STAT3: variants seen among roughly 807,000 people sequenced by gnomAD.
STAT3 encodes the protein DNA-binding protein APRF.
A neutral mutation model predicts 114.3 loss-of-function variants in STAT3; 7 were observed. That is an observed-to-expected ratio of 0.06 (90% CI 0.03 to 0.11). The LOEUF is 0.11. STAT3 is among the 10% of genes least tolerant of loss of function. STAT3 has a pLI of 1.00. For synonymous variants in STAT3, 331 were observed against 354.5 expected (o/e 0.93, Z 0.74); for missense variants, 364 against 960.9 (o/e 0.38, Z 8.21).
intron 1 of STAT3, among the ~76,000 whole-genome samples, chr17:42,374,550 C>T (rs1431421113): frequency 7.1e-6 from 1 of 140,966 alleles, no homozygotes; most frequent in Non-Finnish European, 1.5e-5. Flanking sequence ...GCAGAGGTTG[C>T]AGTGAGCTGA....
At chr17:42,349,986 G>A (rs2082865925) in intron 1 of STAT3, among the ~76,000 whole-genome samples, 2 of 152,060 alleles carry the variant, frequency 1.3e-5, no homozygotes, top group Admixed American at 1.3e-4. Context: ...AACCTGGAAG[G>A]CAGAGGTTGA....
Position 42,315,217 on chromosome 17 carries a change from T to C in STAT3, c.*528A>G. The C allele has an allele frequency of 4.0e-6, 1 of 250,620 alleles. No homozygotes were observed. The highest frequency in any genetic ancestry group is 2.2e-5 in the African/African-American group (1 of 45,250). The allele number at this position is 250,620 out of a possible 1,614,324, so 15.5% of individuals were successfully genotyped here. ...ACAGTGTTTTTTGCCCTTTAATTGT[T>C]ATTATTTCTTAATTTAAAAAGAAAC... On this transcript the variant is annotated 3_prime_UTR_variant, in exon 24 of 24. Transcript: ENST00000264657.
intron 1 of STAT3, among the ~76,000 whole-genome samples, chr17:42,382,795 T>C (rs1428716134): frequency 1.3e-5 from 2 of 152,024 alleles, no homozygotes; most frequent in Non-Finnish European, 2.9e-5. Flanking sequence ...TACAGGCGTC[T>C]GCCACCACGC....
chr17:42,365,662 GT>G (rs1221742763), intron 1 of STAT3, among the ~76,000 whole-genome samples: 11 of 127,424 alleles, frequency 8.6e-5, no homozygotes, highest in South Asian at 2.5e-4. Context: ...GTTTTTTTTT[GT>G]TTTTTTTTTT....
chr17:42,370,004 C>A (rs186981364), intron 1 of STAT3, among the ~76,000 whole-genome samples: 1 of 152,198 alleles, frequency 6.6e-6, no homozygotes, highest in African/African-American at 2.4e-5. Context: ...CGGAGTCTTG[C>A]TCTGTCGCCC....
At chr17:42,332,016 C>T (rs2082034520) in intron 10 of STAT3, among the ~76,000 whole-genome samples, 1 of 151,908 alleles carries the variant, frequency 6.6e-6, no homozygotes, top group Non-Finnish European at 1.5e-5. Flanking sequence ...CAACCTCCGC[C>T]TCCTGGGTTC....
chr17:42,338,616 C>T, intron 6 of STAT3, 115 bp downstream of exon 6: 1 of 976,470 alleles, frequency 1.0e-6, no homozygotes, highest in Non-Finnish European at 1.6e-6. Flanking sequence ...GGACCCGTAC[C>T]TCCCTTGCGC....
In STAT3 at chr17:42,324,935, GC is replaced by G; in HGVS notation, c.1464+27del. The G allele has an allele frequency of 6.2e-7, 1 of 1,614,068 alleles. No individual in the cohort carries two copies. The highest frequency in any genetic ancestry group is 8.5e-7 in the Non-Finnish European group (1 of 1,179,972). On this transcript the variant is annotated intron_variant, in intron 16 of 23. Coordinates refer to ENST00000264657, the MANE Select transcript of STAT3 (RefSeq NM_139276.3). The surrounding 1 kb of genome is among the most constrained non-coding windows in gnomAD (Gnocchi z 4.5). The stretch of plus-strand genomic sequence containing the variant: ...CCCCTAAGTCGCAAGAGATCCCGGG[GC>G]ACCAACTAAAAGGAGGGGGCACTAA...
chr17:42,378,108 C>T (rs1050823422), intron 1 of STAT3, among the ~76,000 whole-genome samples: 2 of 151,522 alleles, frequency 1.3e-5, no homozygotes, highest in Non-Finnish European at 2.9e-5. Context: ...GCCTCAGCCT[C>T]CTGAGTAGCT....
intron 1 of STAT3, among the ~76,000 whole-genome samples, chr17:42,371,500 C>T (rs975224250): frequency 5.4e-5 from 8 of 149,002 alleles, no homozygotes; most frequent in African/African-American, 9.9e-5. Flanking sequence ...GGAGAAACCT[C>T]GTCTCTAATT....
At chr17:42,339,255 C>CAAAAA in intron 5 of STAT3, 59 bp downstream of exon 5, 3 of 1,345,258 alleles carry the variant, frequency 2.2e-6, no homozygotes, top group Non-Finnish European at 3.0e-6. Context: ...GACCCTGTCT[C>CAAAAA]AAAAAAAAAA....
Position 42,314,062 on chromosome 17 carries a change from C to T in STAT3, c.*1683G>A, listed in dbSNP as rs1303288296. 1 of 231,906 alleles carries T rather than the reference C, an allele frequency of 4.3e-6. No homozygotes were observed. The highest frequency in any genetic ancestry group is 8.5e-6 in the Non-Finnish European group (1 of 117,194). The allele number at this position is 231,906 out of a possible 1,614,324, so 14.4% of individuals were successfully genotyped here. On this transcript the variant is annotated 3_prime_UTR_variant, in exon 24 of 24. Transcript: ENST00000264657. ...AGCACGTGCTAGGTGTTCCCATACG[C>T]ACAGGAGAGGCGAGCTAGCCAGCCA...
intron 1 of STAT3, among the ~76,000 whole-genome samples, chr17:42,371,336 C>T (rs2084118454): frequency 6.6e-6 from 1 of 151,988 alleles, no homozygotes; most frequent in Non-Finnish European, 1.5e-5. Context: ...TGGAGGGCCA[C>T]ACTTGCTAGT....
chr17:42,371,496 A>C (rs1233127254), intron 1 of STAT3, among the ~76,000 whole-genome samples: 1 of 149,564 alleles, frequency 6.7e-6, no homozygotes, highest in Non-Finnish European at 1.5e-5. Context: ...ACATGGAGAA[A>C]CCTCGTCTCT....
intron 1 of STAT3, among the ~76,000 whole-genome samples, chr17:42,375,958 C>T (rs1414271887): frequency 6.6e-6 from 1 of 152,018 alleles, no homozygotes; most frequent in Non-Finnish European, 1.5e-5. Context: ...CAAGATCAGC[C>T]TGGCCAACAT....
In STAT3 at chr17:42,324,376, T is replaced by TA. The variant is rs945986023; in HGVS notation, c.1600+334dup. 3.9e-5 allele frequency among the ~76,000 whole-genome samples: 6 copies of TA among 151,956 alleles called. No homozygotes were observed. Among genetic ancestry groups the TA allele is most frequent in the Admixed American group, 2.0e-4 (3 of 15,242 alleles). On this transcript the variant is annotated intron_variant, in intron 17 of 23. Transcript: ENST00000264657. This position sits in a 1 kb window ranked among gnomAD's most constrained non-coding sequence, Gnocchi z 4.5. ...AAAAACCAACTAGCCTATAGTTTATTAAAAAAATGGACAGGGAATGTCAAG... is the reference window on the plus strand; with the variant it reads ...AAAAACCAACTAGCCTATAGTTTATTAAAAAAAATGGACAGGGAATGTCAAG...
chr17:42,341,758 G>A (rs1370419964), intron 4 of STAT3, among the ~76,000 whole-genome samples: 1 of 151,980 alleles, frequency 6.6e-6, no homozygotes, highest in South Asian at 2.1e-4. Flanking sequence ...AAATATTTTT[G>A]GTTTCCTGGG....
chr17:42,375,068 A>G (rs1254509775), intron 1 of STAT3, among the ~76,000 whole-genome samples: 5 of 152,212 alleles, frequency 3.3e-5, no homozygotes, highest in African/African-American at 1.2e-4. Flanking sequence ...AGTACCTTAA[A>G]ACAAAACCAA....
chr17:42,348,300 T>C (rs1567731546), intron 2 of STAT3, 89 bp downstream of exon 2: 3 of 1,576,962 alleles, frequency 1.9e-6, no homozygotes, highest in Non-Finnish European at 2.6e-6. Context: ...CATTTTTTAA[T>C]GGAACAGCAA....
Sources: gnomAD v4.1 joint callset for allele counts (sites outside exome capture counted in the v4.1 genomes callset) on GRCh38, gnomAD v4.1.1 for gene constraint, Gnocchi (gnomAD v3.1) non-coding constraint, MANE v1.5 for transcripts, NCBI Gene and HGNC (gene_info 2026-07-23, HGNC 2026-07-21) for gene names.